PLXNA4: variants seen among roughly 807,000 people sequenced by gnomAD.
PLXNA4 encodes the protein plexin-A4.
In PLXNA4, 44 loss-of-function variants were observed where a neutral mutation model predicts 191.8. The ratio of observed to expected loss-of-function variants is 0.23; its 90% confidence interval spans 0.18 to 0.29. The LOEUF (loss-of-function observed/expected upper bound fraction) is 0.29. PLXNA4 is among the 10% of genes least tolerant of loss of function. PLXNA4 has a pLI of 1.00. For synonymous variants in PLXNA4, 1,082 were observed against 1,009.5 expected, an observed-to-expected ratio of 1.07 and a Z score of -1.36; for missense variants, 1,800 against 2,488.8, an observed-to-expected ratio of 0.72 and a Z score of 5.89.
At chr7:132,202,064 C>T (rs1797455381) in intron 12 of PLXNA4, among the ~76,000 whole-genome samples, 1 of 152,178 alleles carries the variant, frequency 6.6e-6, no homozygotes, top group Admixed American at 6.5e-5. Flanking sequence ...TGGATTCAAA[C>T]CCTATTCTCT....
chr7:132,613,066 T>C (rs1272327053), intron 2 of PLXNA4, among the ~76,000 whole-genome samples: 2 of 152,186 alleles, frequency 1.3e-5, no homozygotes, highest in Non-Finnish European at 1.5e-5. Context: ...GCTTCTGAAG[T>C]TCCAAAGAGT....
chr7:132,621,245 T>G (rs1212503717), intron 2 of PLXNA4, among the ~76,000 whole-genome samples: 10 of 119,452 alleles, frequency 8.4e-5, no homozygotes, highest in South Asian at 2.6e-4. Flanking sequence ...GGTTTTTTTT[T>G]GTTTTTTTTT....
At chr7:132,486,986 G>C (rs912474491) in intron 3 of PLXNA4, among the ~76,000 whole-genome samples, 3 of 152,194 alleles carry the variant, frequency 2.0e-5, no homozygotes, top group African/African-American at 7.2e-5. Context: ...ACAGGCAAGA[G>C]AGTACCAGTC....
Position 132,508,702 on chromosome 7 carries a change from C to G in PLXNA4, c.-9G>C, listed in dbSNP as rs934265260. Reference sequence around the variant, plus strand: ...CAGGGCATGGCTTTCATGGCAGAGGCGGGTCCCAGTGGCACAGCAGCACTC... The same window carrying G: ...CAGGGCATGGCTTTCATGGCAGAGGGGGGTCCCAGTGGCACAGCAGCACTC... On this transcript the variant is annotated 5_prime_UTR_variant, in exon 2 of 32. Coordinates refer to ENST00000321063, the MANE Select transcript of PLXNA4 (RefSeq NM_020911.2). This position sits in a 1 kb window ranked among gnomAD's most constrained non-coding sequence, Gnocchi z 4.4. 1 of 1,495,236 alleles carries G rather than the reference C, an allele frequency of 6.7e-7. No individual in the cohort carries two copies. The highest frequency in any genetic ancestry group is 2.1e-5 in the Admixed American group (1 of 46,824). 92.6% of individuals were successfully genotyped at this position (1,495,236 alleles called of 1,614,324 possible). A position where few individuals can be genotyped will look rare whatever the true frequency, so the allele number is the denominator to read the frequency against.
chr7:132,332,523 C>A (rs1802628671), intron 3 of PLXNA4, among the ~76,000 whole-genome samples: 1 of 152,104 alleles, frequency 6.6e-6, no homozygotes, highest in South Asian at 2.1e-4. Context: ...AACTGGGATT[C>A]CTAAATCCCT....
rs1321504845 is a variant in PLXNA4, at chr7:132,141,382, G to GA, written c.5226-572dup. Among the ~76,000 whole-genome samples, 4 of 152,264 alleles carry GA rather than the reference G, an allele frequency of 2.6e-5. No homozygotes were observed. In the South Asian group the frequency reaches 6.2e-4, roughly 24 times the overall value. ...TTTTCATTTCTAAGCTGGCACGCTT[G>GA]AAAACCCACATTCACCCACCTCATG... On this transcript the variant is annotated intron_variant, in intron 29 of 31. Coordinates refer to ENST00000321063, the MANE Select transcript of PLXNA4 (RefSeq NM_020911.2).
intron 3 of PLXNA4, among the ~76,000 whole-genome samples, chr7:132,328,733 C>G (rs1192845263): frequency 6.6e-6 from 1 of 152,194 alleles, no homozygotes; most frequent in Non-Finnish European, 1.5e-5. Context: ...CCCGGGCAAA[C>G]CAGGTGGGAT....
At chr7:132,309,753 T>C (rs1301896135) in intron 3 of PLXNA4, among the ~76,000 whole-genome samples, 1 of 151,936 alleles carries the variant, frequency 6.6e-6, no homozygotes, top group African/African-American at 2.4e-5. Flanking sequence ...AAAACAGAAG[T>C]AGAGAGAAAC....
At chr7:132,305,406 A>ACT (rs1554409841) in intron 3 of PLXNA4, among the ~76,000 whole-genome samples, 67 of 140,156 alleles carry the variant, frequency 4.8e-4, no homozygotes, top group African/African-American at 1.6e-3. Context: ...ACACACACAC[A>ACT]CTCTACTCTG....
At chr7:132,450,155 G>A (rs544180765) in intron 3 of PLXNA4, among the ~76,000 whole-genome samples, 14 of 152,318 alleles carry the variant, frequency 9.2e-5, no homozygotes, top group South Asian at 2.1e-4. Flanking sequence ...GCTCAGGCTC[G>A]CACAGAAGTT....
intron 1 of PLXNA4, among the ~76,000 whole-genome samples, chr7:132,575,779 A>T (rs1451767136): frequency 1.3e-5 from 2 of 152,202 alleles, no homozygotes; most frequent in African/African-American, 4.8e-5. Flanking sequence ...AAGCAGTGCC[A>T]CGCTTCAGAA....
chr7:132,177,045 G>A (rs957875967), intron 20 of PLXNA4, among the ~76,000 whole-genome samples: 1 of 152,112 alleles, frequency 6.6e-6, no homozygotes, highest in Non-Finnish European at 1.5e-5. Flanking sequence ...ATATGTCAGT[G>A]TGTGTGTACG....
intron 2 of PLXNA4, among the ~76,000 whole-genome samples, chr7:132,634,990 A>C (rs1803568203): frequency 6.6e-6 from 1 of 151,990 alleles, no homozygotes; most frequent in Non-Finnish European, 1.5e-5. Context: ...AGAAAAGACG[A>C]GACTGGCCTA....
chr7:132,460,016 TA>T (rs1165432285), intron 3 of PLXNA4, among the ~76,000 whole-genome samples: 1 of 148,858 alleles, frequency 6.7e-6, no homozygotes, highest in Admixed American at 6.7e-5. Context: ...TGGCAACCGA[TA>T]GCAAGAATAC....
rs554597186 is a variant in PLXNA4, at chr7:132,640,156, G to C, written c.-87+5772C>G. Among the ~76,000 whole-genome samples the C allele has an allele frequency of 2.0e-5, 3 of 152,354 alleles. No homozygotes were observed. In the East Asian group the frequency reaches 5.8e-4, roughly 29 times the overall value. On this transcript the variant is annotated intron_variant, in intron 2 of 4. Coordinates refer to the PLXNA4 transcript ENST00000378539. The stretch of plus-strand genomic sequence containing the variant: ...CTCTGTTCTTGCAGAGGATCAGGAA[G>C]AGATGGCAGTGAGCCAACAGATGTT...
At chr7:132,493,803 A>G (rs1186177518) in intron 2 of PLXNA4, among the ~76,000 whole-genome samples, 2 of 151,742 alleles carry the variant, frequency 1.3e-5, no homozygotes, top group African/African-American at 2.4e-5. Flanking sequence ...GGTTCGTTGG[A>G]CAGATAGATA....
chr7:132,516,734 G>A (rs1052629807), intron 1 of PLXNA4, among the ~76,000 whole-genome samples: 1 of 152,156 alleles, frequency 6.6e-6, no homozygotes, highest in African/African-American at 2.4e-5. Flanking sequence ...GAGGCAGGTG[G>A]ATCACTTGAG....
At chr7:132,586,715 T>C (rs1012318888) in intron 2 of PLXNA4, among the ~76,000 whole-genome samples, 1 of 152,166 alleles carries the variant, frequency 6.6e-6, no homozygotes, top group East Asian at 1.9e-4. Context: ...ATGGTGCCAC[T>C]GCACTCCAAC....
chr7:132,593,318 A>C (rs967372129), intron 2 of PLXNA4, among the ~76,000 whole-genome samples: 5 of 152,182 alleles, frequency 3.3e-5, no homozygotes, highest in African/African-American at 1.2e-4. Flanking sequence ...TAGGAAAAAA[A>C]AAAATCCACA....
Sources: allele counts gnomAD v4.1 joint callset (sites outside exome capture counted in the v4.1 genomes callset), GRCh38; gene constraint gnomAD v4.1.1; non-coding constraint Gnocchi (gnomAD v3.1); transcripts MANE v1.5; gene names NCBI Gene and HGNC (gene_info 2026-07-23, HGNC 2026-07-21).